Variants in FSTL5 observed in about 807,000 individuals in gnomAD.
FSTL5 encodes the protein follistatin-related protein 5.
Under a neutral mutation model 89.1 loss-of-function variants are expected in FSTL5, and 62 were observed. The observed-to-expected ratio is 0.70, with a 90% CI of 0.57 to 0.86. FSTL5 has a LOEUF of 0.86. Among genes scored for constraint, FSTL5 ranks in the 40% least tolerant of loss-of-function variants. FSTL5 has a pLI of 0.00. For synonymous variants in FSTL5, 383 were observed against 346.2 expected (o/e 1.11, Z -1.18); for missense variants, 1,057 against 1,001.6 (o/e 1.06, Z -0.75).
At chr4:161,990,366 G>A (rs1000146082) in intron 3 of FSTL5, among the ~76,000 whole-genome samples, 5 of 151,974 alleles carry the variant, frequency 3.3e-5, no homozygotes, top group Non-Finnish European at 5.9e-5. Context: ...AAAGTAGTTT[G>A]TTGCATCTTC....
intron 6 of FSTL5, among the ~76,000 whole-genome samples, chr4:161,724,365 C>CAA (rs1238100630): frequency 6.6e-6 from 1 of 151,542 alleles, no homozygotes; most frequent in African/African-American, 2.4e-5. Context: ...GTACATAGAT[C>CAA]AAAAAAACGC....
intron 6 of FSTL5, among the ~76,000 whole-genome samples, chr4:161,666,148 CAA>C (rs1033853453): frequency 2.0e-5 from 3 of 151,788 alleles, no homozygotes; most frequent in Non-Finnish European, 4.4e-5. Flanking sequence ...TTGCCACCCA[CAA>C]AACTGACAAA....
chr4:162,121,153 T>C (rs915229184), intron 1 of FSTL5, among the ~76,000 whole-genome samples: 1 of 151,924 alleles, frequency 6.6e-6, no homozygotes, highest in Non-Finnish European at 1.5e-5. Context: ...TAGATGTTTA[T>C]AATTATAGCT....
At chr4:161,430,934 T>G (rs1732342737) in intron 15 of FSTL5, among the ~76,000 whole-genome samples, 1 of 151,974 alleles carries the variant, frequency 6.6e-6, no homozygotes, top group Non-Finnish European at 1.5e-5. Flanking sequence ...GAAAAAAAAA[T>G]GCTTTATCCT....
At chr4:161,741,614 G>A (rs1392384163) in intron 6 of FSTL5, among the ~76,000 whole-genome samples, 1 of 151,732 alleles carries the variant, frequency 6.6e-6, no homozygotes. Flanking sequence ...CCAACCTAAT[G>A]AAGAATGAAG....
intron 2 of FSTL5, among the ~76,000 whole-genome samples, chr4:162,062,698 T>C (rs938968273): frequency 3.3e-5 from 5 of 151,160 alleles, no homozygotes; most frequent in African/African-American, 9.7e-5. Flanking sequence ...AAGAGTAAGA[T>C]AAAGTAAAAT....
chr4:161,805,191 G>T (rs1423975150), intron 4 of FSTL5, among the ~76,000 whole-genome samples: 1 of 152,014 alleles, frequency 6.6e-6, no homozygotes, highest in Non-Finnish European at 1.5e-5. Flanking sequence ...ATTTTTGCAT[G>T]AGTTCTTTCT....
intron 4 of FSTL5, among the ~76,000 whole-genome samples, chr4:161,801,294 G>A (rs1456524822): frequency 6.6e-6 from 1 of 151,444 alleles, no homozygotes; most frequent in Non-Finnish European, 1.5e-5. Flanking sequence ...TTTGTGGCTA[G>A]TATCTAGCAT....
At chr4:161,830,119 TTGATA>T (rs1311817188) in intron 4 of FSTL5, among the ~76,000 whole-genome samples, 1 of 152,038 alleles carries the variant, frequency 6.6e-6, no homozygotes, top group African/African-American at 2.4e-5. Flanking sequence ...GTAAATATAT[TTGATA>T]TTGTGCAAAT....
At chr4:161,647,278 T>G (rs1350732609) in intron 7 of FSTL5, among the ~76,000 whole-genome samples, 2 of 152,212 alleles carry the variant, frequency 1.3e-5, no homozygotes, top group East Asian at 3.9e-4. Flanking sequence ...ACTGTGTATT[T>G]TTGGTACCCT....
intron 6 of FSTL5, among the ~76,000 whole-genome samples, chr4:161,705,995 T>TAC (rs771833603): frequency 2.7e-4 from 10 of 37,510 alleles, no homozygotes; most frequent in African/African-American, 8.0e-4. Context: ...TATATATATA[T>TAC]ACACACATCT....
At chr4:161,780,278 A>G (rs1186898884) in intron 4 of FSTL5, among the ~76,000 whole-genome samples, 1 of 151,890 alleles carries the variant, frequency 6.6e-6, no homozygotes. Context: ...AGAGACATTT[A>G]GAAATTGTGC....
intron 3 of FSTL5, among the ~76,000 whole-genome samples, chr4:162,002,315 A>G (rs1012997760): frequency 6.6e-6 from 1 of 152,190 alleles, no homozygotes; most frequent in East Asian, 1.9e-4. Context: ...TGTAAATCTT[A>G]TGATTCACTT....
At chr4:161,751,106 A>T (rs998767628) in intron 6 of FSTL5, among the ~76,000 whole-genome samples, 1 of 152,170 alleles carries the variant, frequency 6.6e-6, no homozygotes, top group Non-Finnish European at 1.5e-5. Flanking sequence ...CAGATACTAT[A>T]GGTGAAAAAA....
chr4:161,701,518 A>T (rs1026846981), intron 6 of FSTL5, among the ~76,000 whole-genome samples: 6 of 152,100 alleles, frequency 3.9e-5, no homozygotes, highest in Admixed American at 3.9e-4. Context: ...TGGTTATAAG[A>T]ATTGAAAAGA....
At chr4:161,782,353 C>G (rs1274020501) in intron 4 of FSTL5, among the ~76,000 whole-genome samples, 2 of 152,126 alleles carry the variant, frequency 1.3e-5, no homozygotes. Flanking sequence ...ATTTTGTATT[C>G]CAGCAAGCAA....
chr4:161,696,145 T>G (rs1453094497), intron 6 of FSTL5, among the ~76,000 whole-genome samples: 3 of 152,180 alleles, frequency 2.0e-5, no homozygotes, highest in Non-Finnish European at 4.4e-5. Context: ...ATAAGGTGAA[T>G]GATGAGGATC....
intron 8 of FSTL5, among the ~76,000 whole-genome samples, chr4:161,556,314 A>G (rs1412205970): frequency 6.6e-6 from 1 of 151,672 alleles, no homozygotes; most frequent in Non-Finnish European, 1.5e-5. Context: ...TGCAAAATAT[A>G]TATGATTCTG....
chr4:161,453,304 A>G (rs1733236619), intron 15 of FSTL5, among the ~76,000 whole-genome samples: 1 of 152,216 alleles, frequency 6.6e-6, no homozygotes, highest in South Asian at 2.1e-4. Flanking sequence ...AGATAAAAAC[A>G]AAGGTTACAT....
Sources: allele counts gnomAD v4.1 joint callset (sites outside exome capture counted in the v4.1 genomes callset), GRCh38; gene constraint gnomAD v4.1.1; transcripts MANE v1.5; gene names NCBI Gene and HGNC (gene_info 2026-07-23, HGNC 2026-07-21).